PDE1C: variants seen among roughly 807,000 people sequenced by gnomAD.
PDE1C encodes phosphodiesterase 1C.
Under a neutral mutation model 93.1 loss-of-function variants are expected in PDE1C, and 62 were observed. That is an observed-to-expected ratio of 0.67 (90% confidence interval 0.54 to 0.82). The LOEUF (loss-of-function observed/expected upper bound fraction) is 0.82, where lower values mean the gene tolerates loss of function less well. PDE1C is among the 40% of genes least tolerant of loss of function. The pLI is 0.00. For missense variants in PDE1C, 742 were observed against 884.6 expected (o/e 0.84, Z 2.04); for synonymous variants, 325 against 310.1 (o/e 1.05, Z -0.50).
exon 3 of PDE1C, chr7:32,169,898 G>T: frequency 6.2e-7 from 1 of 1,612,640 alleles, no homozygotes; most frequent in Non-Finnish European, 8.5e-7. Flanking sequence ...GCTTCTCCTT[G>T]ACATTCCCTG....
At chr7:32,231,518 A>C (rs1021405747) in intron 1 of PDE1C, among the ~76,000 whole-genome samples, 2 of 152,230 alleles carry the variant, frequency 1.3e-5, no homozygotes, top group African/African-American at 4.8e-5. Context: ...TTAAATCTGT[A>C]ATAAAACATT....
chr7:32,097,445 A>T (rs972991687), intron 3 of PDE1C, among the ~76,000 whole-genome samples: 1 of 152,208 alleles, frequency 6.6e-6, no homozygotes, highest in Non-Finnish European at 1.5e-5. Flanking sequence ...ATGCCTAAAT[A>T]ACTGGAGGAA....
At chr7:31,949,982 A>C (rs950236404) in intron 2 of PDE1C, among the ~76,000 whole-genome samples, 1 of 152,080 alleles carries the variant, frequency 6.6e-6, no homozygotes. Flanking sequence ...AAGTTTAGAG[A>C]CTTTAGATAC....
intron 3 of PDE1C, among the ~76,000 whole-genome samples, chr7:32,132,704 T>G (rs143473312): frequency 2.1e-3 from 313 of 152,092 alleles, no homozygotes; most frequent in African/African-American, 7.0e-3. Context: ...AAATATCAGT[T>G]AAGTTGCTAC....
chr7:32,247,651 T>C (rs1387503486), intron 1 of PDE1C, among the ~76,000 whole-genome samples: 1 of 152,198 alleles, frequency 6.6e-6, no homozygotes, highest in African/African-American at 2.4e-5. Context: ...AATCATTCTG[T>C]TTCTCACTTT....
At chr7:32,210,443 A>G (rs74436820) in intron 1 of PDE1C, among the ~76,000 whole-genome samples, 10,832 of 152,308 alleles carry the variant, frequency 0.071, 1,342 homozygotes, top group African/African-American at 0.25. Flanking sequence ...GGAGATTGCT[A>G]ACGTCATCAT....
At chr7:32,025,250 ATTTG>A (rs1789259781) in intron 2 of PDE1C, among the ~76,000 whole-genome samples, 1 of 152,078 alleles carries the variant, frequency 6.6e-6, no homozygotes, top group Non-Finnish European at 1.5e-5. Context: ...ATTTACATTA[ATTTG>A]TTTGGCAGGC....
At chr7:31,822,821 G>C (rs975523647) in intron 14 of PDE1C, among the ~76,000 whole-genome samples, 1 of 152,102 alleles carries the variant, frequency 6.6e-6, no homozygotes, top group African/African-American at 2.4e-5. Flanking sequence ...ATGTCCTGTA[G>C]AGTCTTCATA....
At chr7:32,371,734 T>C (rs1469813810) in intron 1 of PDE1C, among the ~76,000 whole-genome samples, 3 of 152,248 alleles carry the variant, frequency 2.0e-5, no homozygotes, top group African/African-American at 4.8e-5. Context: ...TCTATGTTCA[T>C]GGACGAAAAG....
chr7:32,179,627 A>C (rs1215020616), intron 2 of PDE1C, among the ~76,000 whole-genome samples: 2 of 152,154 alleles, frequency 1.3e-5, no homozygotes, highest in Admixed American at 1.3e-4. Context: ...TGCCAGGTGA[A>C]TTTAATGGGC....
At chr7:32,210,608 T>G (rs937290527) in intron 1 of PDE1C, among the ~76,000 whole-genome samples, 1 of 152,196 alleles carries the variant, frequency 6.6e-6, no homozygotes, top group Non-Finnish European at 1.5e-5. Context: ...TTTGAGCAAT[T>G]TTTTAAAAAT....
intron 3 of PDE1C, among the ~76,000 whole-genome samples, chr7:32,112,798 A>G (rs1000678035): frequency 2.3e-5 from 2 of 85,306 alleles, no homozygotes; most frequent in Non-Finnish European, 6.4e-5. Flanking sequence ...ACATATATAT[A>G]CATATATGTG....
chr7:31,697,743 C>A, the PDE1C span, among the ~76,000 whole-genome samples: 47 of 152,062 alleles, frequency 3.1e-4, no homozygotes, highest in African/African-American at 9.9e-4. Context: ...GGGGAAGTGA[C>A]GGAGGGGAAA....
chr7:32,333,929 G>T (rs215638), intron 1 of PDE1C, among the ~76,000 whole-genome samples: 80,748 of 152,046 alleles, frequency 0.53, 23,962 homozygotes, highest in Admixed American at 0.68. Context: ...GGCATTTTCA[G>T]AAAATGTTGA....
intron 2 of PDE1C, among the ~76,000 whole-genome samples, chr7:31,916,501 T>C (rs189559232): frequency 2.0e-5 from 3 of 152,338 alleles, no homozygotes; most frequent in Admixed American, 1.3e-4. Flanking sequence ...TGCTGGTTCA[T>C]GGACAATCTT....
chr7:32,143,811 A>G (rs1800670387), intron 3 of PDE1C, among the ~76,000 whole-genome samples: 1 of 152,194 alleles, frequency 6.6e-6, no homozygotes, highest in Admixed American at 6.5e-5. Flanking sequence ...AGTATTACAG[A>G]CATAAATTAA....
chr7:31,814,458 T>C (rs1342539311), intron 15 of PDE1C, among the ~76,000 whole-genome samples: 1 of 151,992 alleles, frequency 6.6e-6, no homozygotes, highest in Non-Finnish European at 1.5e-5. Flanking sequence ...TTTTGCAAGG[T>C]TCCTGGAATA....
rs1802991218 is a variant in PDE1C, at chr7:32,176,433, ATAAG to A, written c.137-6481_137-6478del. On this transcript the variant is annotated intron_variant, in intron 2 of 18. Transcript: ENST00000396193. ...ATTACCCACAAAGGATGAGTTGGGA[ATAAG>A]TAAGACAGGTTGGAGATGAAAGACT... Among the ~76,000 whole-genome samples, 3 of 152,354 alleles carry A rather than the reference ATAAG, an allele frequency of 2.0e-5. No individual in the cohort carries two copies. In the South Asian group the frequency reaches 6.2e-4, roughly 32 times the overall value.
intron 7 of PDE1C, among the ~76,000 whole-genome samples, chr7:31,861,328 C>G (rs184902230): frequency 2.0e-5 from 3 of 152,170 alleles, no homozygotes; most frequent in Non-Finnish European, 4.4e-5. Flanking sequence ...CACTTCAGAG[C>G]CCCTTCTAAC....
Sources: gnomAD v4.1 joint callset for allele counts (sites outside exome capture counted in the v4.1 genomes callset) on GRCh38, gnomAD v4.1.1 for gene constraint, MANE v1.5 for transcripts, NCBI Gene and HGNC (gene_info 2026-07-23, HGNC 2026-07-21) for gene names.